LENG8: variants seen among roughly 807,000 people sequenced by gnomAD.
LENG8 encodes leukocyte receptor cluster member 8, also known as leukocyte receptor cluster (LRC) member 8.
LENG8 carries 28 observed loss-of-function variants against 102.1 expected under a neutral mutation model. That is an observed-to-expected ratio of 0.27 (90% CI 0.20 to 0.38). The LOEUF (loss-of-function observed/expected upper bound fraction) is 0.38, where lower values mean the gene tolerates loss of function less well. LENG8 is among the 10% of genes least tolerant of loss of function. The pLI is 1.00. For synonymous variants in LENG8, 531 were observed against 456.7 expected (o/e 1.16, Z -2.07); for missense variants, 1,022 against 1,113.9 (o/e 0.92, Z 1.17).
In LENG8 at chr19:54,458,102, G is replaced by C; in HGVS notation, c.1903-1G>C. ...CCTCCCTCGGTGCCTCTGCCTTCCA[G>C]GGTGACCATGAAGAGTTTAACCAGT... On this transcript the variant is annotated splice_acceptor_variant, in intron 13 of 15. Transcript: ENST00000326764. LOFTEE classifies it high-confidence loss of function. 6.2e-7 allele frequency: 1 copy of C among 1,612,950 alleles called. No individual in the cohort carries two copies. Among genetic ancestry groups the C allele is most frequent in the Non-Finnish European group, 8.5e-7 (1 of 1,179,974 alleles).
chr19:54,450,301 C>T (rs2083898342), intron 1 of LENG8, among the ~76,000 whole-genome samples: 1 of 152,148 alleles, frequency 6.6e-6, no homozygotes, highest in Non-Finnish European at 1.5e-5. Flanking sequence ...TACTGCCCTT[C>T]GGAGACCTTT....
At chr19:54,453,244 C>G (rs957360672) in intron 4 of LENG8, among the ~76,000 whole-genome samples, 3 of 152,198 alleles carry the variant, frequency 2.0e-5, no homozygotes, top group Non-Finnish European at 1.5e-5. Context: ...TCCAGCCGGA[C>G]ATGTAATTCC....
At chr19:54,453,502 A>C in intron 4 of LENG8, 44 bp from the exon 5 acceptor site, 1 of 1,344,622 alleles carries the variant, frequency 7.4e-7, no homozygotes, top group Non-Finnish European at 1.1e-6. Flanking sequence ...GGAAGCGGAA[A>C]GGGTAGGCCT....
chr19:54,454,462 C>T lies in LENG8; in HGVS notation c.459C>T (p.Ser153=). ...PPVPGMDESM[S]YQAPPQQLPS... ...TCCCCGGCATGGATGAGAGCATGTC[C>T]TACCAGGCTCCCCCTCAGCAGCTGC... The change falls in exon 6 of 16, where the codon TCC becomes TCT. Residue 153 remains serine (S), a synonymous_variant. Transcript: ENST00000326764. 1 of 1,612,764 alleles carries T rather than the reference C, an allele frequency of 6.2e-7. No individual in the cohort carries two copies. Among genetic ancestry groups the T allele is most frequent in the South Asian group, 1.1e-5 (1 of 90,944 alleles).
intron 15 of LENG8, chr19:54,460,142 G>C: frequency 7.8e-7 from 1 of 1,290,006 alleles, no homozygotes; most frequent in South Asian, 1.2e-5. Context: ...CTTTGGAGCA[G>C]AAGCGGGTTC....
intron 13 of LENG8, 23 bp from the exon 14 acceptor site, chr19:54,458,080 C>T (rs760580249): frequency 1.2e-6 from 2 of 1,612,266 alleles, no homozygotes; most frequent in East Asian, 2.2e-5. Context: ...CTGCTCTCCT[C>T]CCTCGGTGCC....
rs1427031059 is a variant in LENG8, at chr19:54,458,521, C to T, written c.2240C>T (p.Thr747Ile). The T allele has an allele frequency of 6.2e-7, 1 of 1,614,194 alleles. No homozygotes were observed. The highest frequency in any genetic ancestry group is 8.5e-7 in the Non-Finnish European group (1 of 1,180,010). The change falls in exon 15 of 16, where the codon ACC becomes ATC. Residue 747 changes from threonine to isoleucine, a missense_variant and splice_region_variant. By Grantham distance (89) the Thr-to-Ile change is moderately conservative. This residue lies in a region of LENG8 where 129 missense variants were observed against 123.0 expected (regional missense o/e 1.05). Transcript: ENST00000326764. ...GTCGCCCTCAAGGCCATGATCAAAA[C>T]GTATGTGGTGCCAAGCTCCCTTCTG... ...RKVALKAMIK[T>I]FRPALPVSYL...
At chr19:54,460,585 A>ACC (rs60779846) in intron 15 of LENG8, 181 bp from the exon 16 acceptor site, 71,480 of 1,353,516 alleles carry the variant, frequency 0.053, 1,385 homozygotes, top group African/African-American at 0.092. Flanking sequence ...GGGGTCACTA[A>ACC]CCCCCCCCGG....
chr19:54,459,438 G>C (rs1168665412), intron 15 of LENG8: 1 of 990,532 alleles, frequency 1.0e-6, no homozygotes, highest in Non-Finnish European at 1.2e-6. Context: ...CATGGTCACA[G>C]CATGGGGGCC....
At position 54,461,170 on chromosome 19, in the gene LENG8, G is replaced by A. The variant is rs1041334985; in HGVS notation, c.*242G>A. On this transcript the variant is annotated 3_prime_UTR_variant, in exon 16 of 16. Coordinates refer to ENST00000326764, the MANE Select transcript of LENG8 (RefSeq NM_052925.4). ...AGGGGATGGGCAGCGGAGGGTTGGGGGCATGGTCTGCAGGCTCATCTGTGT... is the reference window on the plus strand; with the variant it reads ...AGGGGATGGGCAGCGGAGGGTTGGGAGCATGGTCTGCAGGCTCATCTGTGT... The A allele has an allele frequency of 2.9e-6, 2 of 695,896 alleles. No individual in the cohort carries two copies. Among genetic ancestry groups the A allele is most frequent in the Non-Finnish European group, 5.2e-6 (2 of 383,722 alleles). The allele number at this position is 695,896 out of a possible 1,614,324, so 43.1% of individuals were successfully genotyped here.
Position 54,458,508 on chromosome 19 carries a change from G to T in LENG8, c.2227G>T (p.Ala743Ser), listed in dbSNP as rs573839990. 6.2e-7 allele frequency: 1 copy of T among 1,614,192 alleles called. No individual in the cohort carries two copies. Among genetic ancestry groups the T allele is most frequent in the South Asian group, 1.1e-5 (1 of 91,090 alleles). The change falls in exon 15 of 16, where the codon GCC becomes TCC. Residue 743 changes from alanine to serine, a missense_variant. Ala to Ser is a moderately conservative substitution (Grantham distance 99). Transcript: ENST00000326764. Reference sequence around the variant, plus strand: ...TCGGGAGCGCAAGGTCGCCCTCAAGGCCATGATCAAAACGTATGTGGTGCC... The same window carrying T: ...TCGGGAGCGCAAGGTCGCCCTCAAGTCCATGATCAAAACGTATGTGGTGCC... ...ADRERKVALK[A>S]MIKTFRPALP...
At chr19:54,451,609 C>T (rs77412328) in intron 2 of LENG8, among the ~76,000 whole-genome samples, 2,179 of 152,314 alleles carry the variant, frequency 0.014, 49 homozygotes, top group African/African-American at 0.05. Context: ...ACAGCGCTTG[C>T]TTTGCAGAAT....
chr19:54,456,561 C>G (rs2084257913), intron 10 of LENG8, 75 bp from the exon 11 acceptor site: 2 of 1,538,420 alleles, frequency 1.3e-6, no homozygotes, highest in African/African-American at 1.4e-5. Flanking sequence ...AGGTGGACAG[C>G]CAGCTGCCAA....
chr19:54,458,033 C>T, intron 13 of LENG8, 31 bp downstream of exon 13: 4 of 1,612,922 alleles, frequency 2.5e-6, no homozygotes, highest in Non-Finnish European at 3.4e-6. Context: ...CTCCCCAGCC[C>T]CTTTCCTGCT....
Position 54,454,419 on chromosome 19 carries a change from T to G in LENG8, c.427-11T>G. The G allele has an allele frequency of 6.3e-7, 1 of 1,593,054 alleles. No homozygotes were observed. The highest frequency in any genetic ancestry group is 8.6e-7 in the Non-Finnish European group (1 of 1,168,406). ...CTGCCTCCCGTGCTCAGCGCCTGCT[T>G]CCTTCTGCAGCCCCCAGTCCCCGGC... On this transcript the variant is annotated splice_polypyrimidine_tract_variant and intron_variant, in intron 5 of 15. Transcript: ENST00000326764.
chr19:54,454,403 G>A (rs747190175), intron 5 of LENG8, 27 bp from the exon 6 acceptor site: 23 of 1,572,034 alleles, frequency 1.5e-5, no homozygotes, highest in Non-Finnish European at 1.8e-5. Flanking sequence ...TCTGCCTCCC[G>A]TGCTCAGCGC....
chr19:54,455,631 A>C, intron 8 of LENG8, 64 bp downstream of exon 8: 3 of 1,429,270 alleles, frequency 2.1e-6, no homozygotes, highest in Non-Finnish European at 1.9e-6. Context: ...CTGGGTATGG[A>C]GGTAGGAGAG....
At chr19:54,459,514 T>G (rs1209359786) in intron 15 of LENG8, 1 of 985,994 alleles carries the variant, frequency 1.0e-6, no homozygotes, top group African/African-American at 1.8e-5. Flanking sequence ...CTTGAGAGCC[T>G]GGCCAGGTGG....
intron 8 of LENG8, among the ~76,000 whole-genome samples, 162 bp downstream of exon 8, chr19:54,455,729 C>T (rs1400447904): frequency 2.7e-5 from 4 of 147,980 alleles, no homozygotes; most frequent in East Asian, 2.0e-4. Flanking sequence ...GGAGGGAGGC[C>T]GGTGGGGTGG....
Sources: allele counts gnomAD v4.1 joint callset (sites outside exome capture counted in the v4.1 genomes callset), GRCh38; gene constraint gnomAD v4.1.1; regional missense constraint gnomAD v4.1.1; transcripts MANE v1.5; gene names NCBI Gene and HGNC (gene_info 2026-07-23, HGNC 2026-07-21).